Variants in IPP observed in about 807,000 individuals in gnomAD.
The protein encoded by IPP is intracisternal A particle-promoted polypeptide.
IPP carries 41 observed loss-of-function variants against 64.1 expected under a neutral mutation model. That is an observed-to-expected ratio of 0.64 (90% CI 0.50 to 0.83). The LOEUF (loss-of-function observed/expected upper bound fraction) is 0.83, where lower values mean the gene tolerates loss of function less well. IPP is among the 40% of genes least tolerant of loss of function. The probability of loss-of-function intolerance (pLI) is 0.00; values close to 1 mark genes in which losing one functional copy is unlikely to be tolerated. For synonymous variants in IPP, 214 were observed against 235.2 expected (o/e 0.91, Z 0.83); for missense variants, 649 against 703.0 (o/e 0.92, Z 0.87).
chr1:45,740,306 T>A (rs1214392151), intron 3 of IPP, among the ~76,000 whole-genome samples: 2 of 152,208 alleles, frequency 1.3e-5, no homozygotes, highest in Non-Finnish European at 2.9e-5. Flanking sequence ...ACCGCCATTG[T>A]CATCATGGCC....
At chr1:45,700,449 CTCT>C (rs1645437919) in intron 8 of IPP, among the ~76,000 whole-genome samples, 1 of 152,066 alleles carries the variant, frequency 6.6e-6, no homozygotes, top group Admixed American at 6.6e-5. Flanking sequence ...TCAAGAGCTC[CTCT>C]TGCCTCAGCC....
At chr1:45,704,936 A>G (rs1645497589) in intron 8 of IPP, among the ~76,000 whole-genome samples, 1 of 152,226 alleles carries the variant, frequency 6.6e-6, no homozygotes, top group African/African-American at 2.4e-5. Context: ...CCCTTTTTCT[A>G]GAAAATTCTG....
At chr1:45,745,971 G>T in intron 2 of IPP, 149 bp downstream of exon 2, 1 of 605,292 alleles carries the variant, frequency 1.7e-6, no homozygotes. Flanking sequence ...TAGAAAAGGA[G>T]CACCGGGTCA....
chr1:45,696,972 T>C (rs1312965998), downstream of IPP: 1 of 152,198 alleles, frequency 6.6e-6, no homozygotes, highest in African/African-American at 2.4e-5. Flanking sequence ...AATGAGAAAT[T>C]AGTTGTAGAA....
At chr1:45,719,072 T>G in intron 6 of IPP, 131 bp downstream of exon 6, 1 of 758,526 alleles carries the variant, frequency 1.3e-6, no homozygotes. Context: ...TTACAAGATG[T>G]GATTATTACG....
chr1:45,721,593 T>G (rs1645731791), intron 5 of IPP, among the ~76,000 whole-genome samples: 1 of 152,254 alleles, frequency 6.6e-6, no homozygotes, highest in Non-Finnish European at 1.5e-5. Flanking sequence ...GATTTTGTTT[T>G]CTACATTTCA....
intron 3 of IPP, among the ~76,000 whole-genome samples, chr1:45,735,740 C>T (rs1645971239): frequency 9.3e-6 from 1 of 107,854 alleles, no homozygotes; most frequent in South Asian, 3.0e-4. Context: ...AGCAATTCTC[C>T]TGCCTCAGCC....
At chr1:45,694,462 A>G, downstream of IPP, 1 of 1,544,892 alleles carries the variant, frequency 6.5e-7, no homozygotes, top group Non-Finnish European at 8.8e-7. Flanking sequence ...TGATCATTGA[A>G]AAGAATGCAC....
chr1:45,712,590 G>T (rs1645604929), intron 8 of IPP, among the ~76,000 whole-genome samples: 1 of 151,914 alleles, frequency 6.6e-6, no homozygotes, highest in African/African-American at 2.4e-5. Context: ...GGCACGGTGG[G>T]CTCATGCCTG....
In IPP at chr1:45,746,325, C is replaced by T. The variant is rs1364688478; in HGVS notation, c.87G>A (p.Lys29=). 8 of 1,614,088 alleles carry T rather than the reference C, an allele frequency of 5.0e-6. No individual in the cohort carries two copies. The highest frequency in any genetic ancestry group is 6.8e-6 in the Non-Finnish European group (8 of 1,179,952). Residue 29 remains lysine (K), a synonymous_variant, in exon 2 of 9, where the codon AAG becomes AAA. Coordinates refer to ENST00000396478, the MANE Select transcript of IPP (RefSeq NM_005897.3). ...HAQLILAQIN[K]MRNGQHFCDV... ...CACAGAAATGCTGTCCATTTCTCAT[C>T]TTATTGATTTGGGCCAAGATGAGTT... is the stretch of plus-strand genomic sequence containing the variant.
intron 8 of IPP, among the ~76,000 whole-genome samples, chr1:45,705,289 G>A (rs956108032): frequency 1.3e-5 from 2 of 152,192 alleles, no homozygotes; most frequent in Non-Finnish European, 2.9e-5. Flanking sequence ...AGGAAATAAG[G>A]CTTCTTGAAG....
intron 8 of IPP, among the ~76,000 whole-genome samples, chr1:45,703,214 G>A (rs1445474267): frequency 1.3e-5 from 2 of 150,706 alleles, no homozygotes; most frequent in African/African-American, 4.9e-5. Flanking sequence ...TCAGCCTCCT[G>A]AGGAGCTGGG....
At chr1:45,735,836 G>T (rs1645973610) in intron 3 of IPP, among the ~76,000 whole-genome samples, 1 of 110,182 alleles carries the variant, frequency 9.1e-6, no homozygotes, top group South Asian at 2.9e-4. Context: ...TGTAGGCCAG[G>T]CGCGGTGTCT....
In IPP at chr1:45,699,940, C is replaced by T. The variant is rs372270104; in HGVS notation, c.*26G>A. On this transcript the variant is annotated 3_prime_UTR_variant, in exon 9 of 9. Transcript: ENST00000396478. ...TCAGGTCCTGCATTTTCAAAATGTTCCTTGTGCTCTGTTATGCTTTATATT... is the reference window on the plus strand; with the variant it reads ...TCAGGTCCTGCATTTTCAAAATGTTTCTTGTGCTCTGTTATGCTTTATATT... The T allele has an allele frequency of 1.2e-6, 2 of 1,608,492 alleles. No individual in the cohort carries two copies. The highest frequency in any genetic ancestry group is 1.3e-5 in the African/African-American group (1 of 74,846).
chr1:45,748,743 G>A (rs1298882714), intron 1 of IPP, among the ~76,000 whole-genome samples: 2 of 152,178 alleles, frequency 1.3e-5, no homozygotes, highest in African/African-American at 4.8e-5. Context: ...AGGCTGAGGC[G>A]GGTGGATCAC....
intron 4 of IPP, among the ~76,000 whole-genome samples, chr1:45,729,143 C>CAA (rs200570703): frequency 0.02 from 2,232 of 112,694 alleles, 37 homozygotes; most frequent in Middle Eastern, 0.029. Context: ...AAGACTACCT[C>CAA]AAAAAAAAAA....
At chr1:45,726,268 G>T (rs1368287166) in intron 5 of IPP, among the ~76,000 whole-genome samples, 1 of 151,872 alleles carries the variant, frequency 6.6e-6, no homozygotes, top group Admixed American at 6.6e-5. Context: ...AGACCAGCCT[G>T]ACCAACATGA....
chr1:45,699,043 T>A lies in IPP; in HGVS notation c.*923A>T, dbSNP rs1477698569. The stretch of plus-strand genomic sequence containing the variant: ...TGCCCAGCCTAAAAAAGGGAGAAAT[T>A]TCTAGGTGCATACTGCCTGCTGGAC... On this transcript the variant is annotated 3_prime_UTR_variant, in exon 9 of 9. Coordinates refer to ENST00000396478, the MANE Select transcript of IPP (RefSeq NM_005897.3). The A allele has an allele frequency of 1.8e-5, 18 of 985,402 alleles. No individual in the cohort carries two copies. Among genetic ancestry groups the A allele is most frequent in the Non-Finnish European group, 2.2e-5 (18 of 830,016 alleles). 61.0% of individuals were successfully genotyped at this position (985,402 alleles called of 1,614,324 possible).
At chr1:45,720,470 A>C (rs1645717631) in intron 5 of IPP, among the ~76,000 whole-genome samples, 1 of 152,180 alleles carries the variant, frequency 6.6e-6, no homozygotes, top group Non-Finnish European at 1.5e-5. Context: ...TATTGACTTA[A>C]AGATTTAATG....
Sources: gnomAD v4.1 joint callset for allele counts (sites outside exome capture counted in the v4.1 genomes callset) on GRCh38, gnomAD v4.1.1 for gene constraint, MANE v1.5 for transcripts, NCBI Gene and HGNC (gene_info 2026-07-23, HGNC 2026-07-21) for gene names.